DPYD: variants seen among roughly 807,000 people sequenced by gnomAD.
DPYD encodes the protein dihydropyrimidine dehydrogenase [NADP(+)].
In DPYD, 109 loss-of-function variants were observed where a neutral mutation model predicts 116.2. The observed-to-expected ratio is 0.94, with a 90% CI of 0.80 to 1.10. DPYD has a LOEUF of 1.10. Among genes scored for constraint, DPYD ranks in the 50% least tolerant of loss-of-function variants. DPYD has a pLI of 0.00. For missense variants in DPYD, 1,302 were observed against 1,254.5 expected (o/e 1.04, Z -0.57); for synonymous variants, 440 against 432.0 (o/e 1.02, Z -0.23).
At chr1:97,310,802 T>C (rs1439891612) in intron 16 of DPYD, among the ~76,000 whole-genome samples, 1 of 151,766 alleles carries the variant, frequency 6.6e-6, no homozygotes, top group Non-Finnish European at 1.5e-5. Flanking sequence ...TGCACATGAA[T>C]ACTCACAGAA....
At chr1:97,466,466 C>T (rs774532537) in intron 13 of DPYD, among the ~76,000 whole-genome samples, 33 of 150,640 alleles carry the variant, frequency 2.2e-4, no homozygotes, top group African/African-American at 4.9e-4. Flanking sequence ...ACAACAAATA[C>T]ATTTTAAGTA....
chr1:97,322,858 A>G (rs1314231215), intron 16 of DPYD: 1 of 152,042 alleles, frequency 6.6e-6, no homozygotes, highest in Admixed American at 6.6e-5. Flanking sequence ...TTTGTAAGAC[A>G]TACAGCAGCT....
intron 3 of DPYD, among the ~76,000 whole-genome samples, chr1:97,767,452 A>G (rs1571324749): frequency 6.7e-6 from 1 of 148,650 alleles, no homozygotes. Context: ...AAATAATGGT[A>G]TGCTCATTCT....
At chr1:97,442,435 C>T (rs12045999) in intron 14 of DPYD, among the ~76,000 whole-genome samples, 3,808 of 150,642 alleles carry the variant, frequency 0.025, 379 homozygotes, top group East Asian at 0.24. Context: ...TACATGGAGC[C>T]GTAAACTAAT....
Position 97,177,129 on chromosome 1 carries a change from G to A in DPYD, c.2622+15940C>T, listed in dbSNP as rs75280651. Among the ~76,000 whole-genome samples the A allele has an allele frequency of 7.4e-3, 1,121 of 152,048 alleles. 16 individuals carry two copies. Among genetic ancestry groups the A allele is most frequent in the African/African-American group, 0.016 (681 of 41,482 alleles). ...CTATATTATTAATAACTGTTTAAGC[G>A]TTCTATTTCCACACAGTCTGTGATC... On this transcript the variant is annotated intron_variant, in intron 20 of 22. Transcript: ENST00000370192.
intron 20 of DPYD, among the ~76,000 whole-genome samples, chr1:97,130,297 G>T (rs1049756723): frequency 6.6e-6 from 1 of 152,146 alleles, no homozygotes; most frequent in African/African-American, 2.4e-5. Context: ...GGAACCTGTT[G>T]TTGCATTTGT....
intron 2 of DPYD, among the ~76,000 whole-genome samples, chr1:97,871,033 A>G (rs1193279025): frequency 6.6e-6 from 1 of 151,920 alleles, no homozygotes; most frequent in Non-Finnish European, 1.5e-5. Flanking sequence ...ATTAGACTCT[A>G]AAGACAATTT....
intron 8 of DPYD, among the ~76,000 whole-genome samples, chr1:97,650,214 G>T (rs1439487879): frequency 6.6e-6 from 1 of 152,002 alleles, no homozygotes; most frequent in Admixed American, 6.6e-5. Flanking sequence ...TCTCCCAAAG[G>T]CTAGGAGCTC....
chr1:97,866,838 T>C (rs535930456), intron 2 of DPYD, among the ~76,000 whole-genome samples: 10 of 151,728 alleles, frequency 6.6e-5, no homozygotes, highest in Non-Finnish European at 1.2e-4. Flanking sequence ...GAAAAGGTAG[T>C]GCAAATGCCT....
At chr1:97,158,472 G>GACACACAC (rs58771302) in intron 20 of DPYD, among the ~76,000 whole-genome samples, 11,568 of 111,870 alleles carry the variant, frequency 0.1, 1,127 homozygotes, top group Non-Finnish European at 0.14. Flanking sequence ...TAACTCACCA[G>GACACACAC]ACACACACAC....
intron 7 of DPYD, among the ~76,000 whole-genome samples, chr1:97,686,770 C>CA (rs1170931513): frequency 6.6e-6 from 1 of 150,614 alleles, no homozygotes; most frequent in African/African-American, 2.4e-5. Context: ...ACATCAAAAG[C>CA]ACCTGCACAA....
At chr1:97,377,910 G>C (rs949734276) in intron 15 of DPYD, among the ~76,000 whole-genome samples, 1 of 152,202 alleles carries the variant, frequency 6.6e-6, no homozygotes, top group Non-Finnish European at 1.5e-5. Context: ...AAGGGAAGAC[G>C]TCCGTGGGTG....
intron 10 of DPYD, among the ~76,000 whole-genome samples, chr1:97,581,708 T>G (rs1653687144): frequency 1.5e-5 from 2 of 135,998 alleles, no homozygotes; most frequent in South Asian, 4.5e-4. Context: ...ATCACGCCAC[T>G]GCATTCTGGC....
At position 97,440,369 on chromosome 1, in the gene DPYD, T is replaced by A. The variant is rs116606497; in HGVS notation, c.1905+9690A>T. 9.2e-3 allele frequency among the ~76,000 whole-genome samples: 1,394 copies of A among 152,262 alleles called. 12 individuals carry two copies. Among genetic ancestry groups the A allele is most frequent in the Non-Finnish European group, 0.014 (983 of 67,998 alleles). ...TTATTTAATGGTTAGGTTTAACTCT[T>A]ATCATCTATATACTATATGGATTCT... On this transcript the variant is annotated intron_variant, in intron 14 of 22. Coordinates refer to ENST00000370192, the MANE Select transcript of DPYD (RefSeq NM_000110.4).
intron 20 of DPYD, among the ~76,000 whole-genome samples, chr1:97,128,406 T>TACAA (rs1653014771): frequency 6.6e-6 from 1 of 152,180 alleles, no homozygotes; most frequent in African/African-American, 2.4e-5. Context: ...TTATGACTTA[T>TACAA]ACAAACAAAC....
At position 97,588,461 on chromosome 1, in the gene DPYD, A is replaced by T. The variant is rs569984461; in HGVS notation, c.1128+4757T>A. On this transcript the variant is annotated intron_variant, in intron 10 of 22. Coordinates refer to ENST00000370192, the MANE Select transcript of DPYD (RefSeq NM_000110.4). Reference sequence around the variant, plus strand: ...TCTAACCTTATCCTTTAAATTTATCAACTCTAGCAGGTCTGTTGAGTTCTG... The same window carrying T: ...TCTAACCTTATCCTTTAAATTTATCTACTCTAGCAGGTCTGTTGAGTTCTG... Among the ~76,000 whole-genome samples the T allele has an allele frequency of 3.3e-5, 5 of 152,358 alleles. No individual in the cohort carries two copies. In the East Asian group the frequency reaches 9.6e-4, roughly 29 times the overall value.
rs71590220 is a variant in DPYD at position 97,242,124 on chromosome 1, GTATATATATATATATATATA to G, written c.2300-7150_2300-7131del. 7.8e-4 allele frequency among the ~76,000 whole-genome samples: 28 copies of G among 35,868 alleles called. 1 individual carries two copies. The highest frequency in any genetic ancestry group is 1.1e-3 in the Non-Finnish European group (22 of 20,534). The allele number at this position is 35,868 out of a possible 152,430, so 23.5% of individuals were successfully genotyped here. A position where few individuals can be genotyped will look rare whatever the true frequency, so the allele number is the denominator to read the frequency against. On this transcript the variant is annotated intron_variant, in intron 18 of 22. Transcript: ENST00000370192. ...TAATTTGCAACGTGTGTGTGCGTGT[GTATATATATATATATATATA>G]TATATATATATATATATATATATAT...
At chr1:97,655,601 T>A (rs1175785431) in intron 8 of DPYD, among the ~76,000 whole-genome samples, 1 of 152,190 alleles carries the variant, frequency 6.6e-6, no homozygotes, top group Non-Finnish European at 1.5e-5. Flanking sequence ...GACAAGGAAA[T>A]TAAAATTTTG....
At chr1:97,793,000 G>A (rs1667394783) in intron 3 of DPYD, among the ~76,000 whole-genome samples, 1 of 152,102 alleles carries the variant, frequency 6.6e-6, no homozygotes, top group South Asian at 2.1e-4. Context: ...TACGAATAAA[G>A]TATGCACTTC....
Sources: allele counts gnomAD v4.1 joint callset (sites outside exome capture counted in the v4.1 genomes callset), GRCh38; gene constraint gnomAD v4.1.1; transcripts MANE v1.5; gene names NCBI Gene and HGNC (gene_info 2026-07-23, HGNC 2026-07-21).